The following PSD3 variants were observed in gnomAD, a reference collection of about 807,000 sequenced individuals.
PSD3 encodes the protein PH and SEC7 domain-containing protein 3.
Under a neutral mutation model 105.5 loss-of-function variants are expected in PSD3, and 49 were observed. That is an observed-to-expected ratio of 0.46 (90% CI 0.37 to 0.59). The LOEUF (loss-of-function observed/expected upper bound fraction) is 0.59. Ranked by LOEUF, PSD3 falls within the 20% of genes least tolerant of loss-of-function variation. The pLI is 0.00. For synonymous variants in PSD3, 557 were observed against 457.8 expected (o/e 1.22, Z -2.77); for missense variants, 1,561 against 1,263.8 (o/e 1.24, Z -3.57).
At chr8:18,845,376 A>G (rs1355316751) in intron 4 of PSD3, among the ~76,000 whole-genome samples, 2 of 152,210 alleles carry the variant, frequency 1.3e-5, no homozygotes, top group Non-Finnish European at 2.9e-5. Flanking sequence ...TGTCCCACTC[A>G]CATGGTCCTG....
At chr8:18,793,145 G>T (rs1325068593) in intron 8 of PSD3, among the ~76,000 whole-genome samples, 1 of 152,028 alleles carries the variant, frequency 6.6e-6, no homozygotes, top group Admixed American at 6.6e-5. Context: ...TGGACACAGG[G>T]TGGGGAACAT....
At chr8:18,631,807 T>C (rs1283672388) in intron 11 of PSD3, among the ~76,000 whole-genome samples, 1 of 151,966 alleles carries the variant, frequency 6.6e-6, no homozygotes, top group South Asian at 2.1e-4. Context: ...TGTAAGCTAA[T>C]AGAATATGCT....
chr8:18,571,710 G>A (rs1296842293), intron 14 of PSD3, among the ~76,000 whole-genome samples: 1 of 152,108 alleles, frequency 6.6e-6, no homozygotes, highest in Non-Finnish European at 1.5e-5. Context: ...CTTGCCATGG[G>A]ACACATCTTA....
chr8:18,568,107 G>A (rs1301466800), intron 14 of PSD3, among the ~76,000 whole-genome samples: 1 of 152,116 alleles, frequency 6.6e-6, no homozygotes, highest in Non-Finnish European at 1.5e-5. Flanking sequence ...ACCAGAAGCA[G>A]ATGCTGATGC....
At chr8:18,667,595 G>T (rs921409703) in intron 9 of PSD3, among the ~76,000 whole-genome samples, 2 of 152,218 alleles carry the variant, frequency 1.3e-5, no homozygotes, top group African/African-American at 4.8e-5. Flanking sequence ...TCCCCAAATA[G>T]ATTTAGGAGC....
chr8:18,730,321 T>C (rs1245537310), intron 9 of PSD3: 2 of 152,226 alleles, frequency 1.3e-5, no homozygotes, highest in African/African-American at 2.4e-5. Context: ...GTAAAATGTC[T>C]CCTTCTCCAG....
chr8:18,540,651 G>A (rs1023150856), intron 15 of PSD3, among the ~76,000 whole-genome samples: 1 of 152,000 alleles, frequency 6.6e-6, no homozygotes, highest in Non-Finnish European at 1.5e-5. Context: ...CTTGCGCCTG[G>A]GTTCCTCCCA....
intron 1 of PSD3, among the ~76,000 whole-genome samples, chr8:19,033,545 T>C (rs2129476359): frequency 6.7e-6 from 1 of 148,832 alleles, no homozygotes; most frequent in East Asian, 2.0e-4. Context: ...AGCTCTTTTT[T>C]TTTTCTTTTT....
chr8:18,620,242 G>A (rs1806006838), intron 11 of PSD3, among the ~76,000 whole-genome samples: 1 of 151,854 alleles, frequency 6.6e-6, no homozygotes, highest in Non-Finnish European at 1.5e-5. Flanking sequence ...TTCATGTACT[G>A]ATTTATGTCT....
intron 1 of PSD3, among the ~76,000 whole-genome samples, chr8:18,955,048 G>A (rs1823479095): frequency 6.6e-6 from 1 of 152,216 alleles, no homozygotes; most frequent in Non-Finnish European, 1.5e-5. Flanking sequence ...AGTTGTGGCA[G>A]TAGCAAATCA....
chr8:18,871,209 A>T (rs1817324195), intron 3 of PSD3, among the ~76,000 whole-genome samples: 1 of 152,200 alleles, frequency 6.6e-6, no homozygotes, highest in South Asian at 2.1e-4. Flanking sequence ...CCCAGAAGAA[A>T]TGCCAAGGTT....
At chr8:18,894,815 A>G (rs1009553539) in intron 2 of PSD3, among the ~76,000 whole-genome samples, 6 of 152,322 alleles carry the variant, frequency 3.9e-5, no homozygotes, top group Admixed American at 1.3e-4. Context: ...AAGCTCACAC[A>G]TGGTCTAGTT....
intron 4 of PSD3, chr8:18,808,801 T>G (rs752295690): frequency 6.2e-7 from 1 of 1,613,588 alleles, no homozygotes; most frequent in Non-Finnish European, 8.5e-7. Flanking sequence ...ACCCCTGGGG[T>G]GCGCCTGGAC....
At chr8:19,005,925 G>C (rs201893064) in intron 1 of PSD3, among the ~76,000 whole-genome samples, 1 of 151,692 alleles carries the variant, frequency 6.6e-6, no homozygotes, top group Admixed American at 6.6e-5. Context: ...TCTCAATAAA[G>C]TTGTTTAAAA....
chr8:19,059,867 C>A (rs1157253741), intron 1 of PSD3, among the ~76,000 whole-genome samples: 4 of 152,212 alleles, frequency 2.6e-5, no homozygotes, highest in Non-Finnish European at 5.9e-5. Context: ...GGGCACCTAC[C>A]AGGCTCTGTC....
intron 1 of PSD3, among the ~76,000 whole-genome samples, chr8:19,077,456 A>T (rs57923149): frequency 0.068 from 10,377 of 152,264 alleles, 640 homozygotes; most frequent in African/African-American, 0.16. Flanking sequence ...TGATGACTTT[A>T]GAAGGAAGGA....
chr8:18,595,988 T>C (rs887285065), intron 12 of PSD3, among the ~76,000 whole-genome samples: 6 of 152,066 alleles, frequency 3.9e-5, no homozygotes, highest in Admixed American at 2.6e-4. Context: ...TTCTCTGGGA[T>C]AGATAAAATT....
rs189989195 is a variant in PSD3, at chr8:18,584,925, G to A, written c.2482-9640C>T. On this transcript the variant is annotated intron_variant, in intron 12 of 15. Transcript: ENST00000327040. Reference sequence around the variant, plus strand: ...TGAGGTGGTGAGAGGGAGAGGGAGCGGAGGCATGTGTCTGATCTTTGGTAA... The same window carrying A: ...TGAGGTGGTGAGAGGGAGAGGGAGCAGAGGCATGTGTCTGATCTTTGGTAA... Among the ~76,000 whole-genome samples, 77 of 152,192 alleles carry A rather than the reference G, an allele frequency of 5.1e-4. 1 individual carries two copies. Among genetic ancestry groups the A allele is most frequent in the Middle Eastern group, 3.4e-3 (1 of 292 alleles).
intron 4 of PSD3, among the ~76,000 whole-genome samples, chr8:18,838,436 C>G (rs1814316423): frequency 6.6e-6 from 1 of 152,140 alleles, no homozygotes; most frequent in Non-Finnish European, 1.5e-5. Context: ...GTAAATGTAT[C>G]CTGTCCTCTT....
Sources: gnomAD v4.1 joint callset for allele counts (sites outside exome capture counted in the v4.1 genomes callset) on GRCh38, gnomAD v4.1.1 for gene constraint, MANE v1.5 for transcripts, NCBI Gene and HGNC (gene_info 2026-07-23, HGNC 2026-07-21) for gene names.